The following C1QTNF3 variants were observed in gnomAD, a reference collection of about 807,000 sequenced individuals.
C1QTNF3 encodes the protein complement C1q tumor necrosis factor-related protein 3.
Under a neutral mutation model 32.6 loss-of-function variants are expected in C1QTNF3, and 26 were observed. The ratio of observed to expected loss-of-function variants is 0.80; its 90% CI spans 0.58 to 1.11. The LOEUF (loss-of-function observed/expected upper bound fraction) is 1.11, where lower values mean the gene tolerates loss of function less well. Among genes scored for constraint, C1QTNF3 ranks in the 50% least tolerant of loss-of-function variants. The pLI is 0.00. For missense variants in C1QTNF3, 362 were observed against 398.2 expected (o/e 0.91, Z 0.77); for synonymous variants, 155 against 146.0 (o/e 1.06, Z -0.44).
the C1QTNF3 span, among the ~76,000 whole-genome samples, chr5:34,221,786 T>C: frequency 7.2e-5 from 11 of 152,206 alleles, no homozygotes; most frequent in African/African-American, 2.6e-4. Flanking sequence ...AAAATGACTT[T>C]TCTAATCATC....
chr5:34,213,811 T>A, the C1QTNF3 span, among the ~76,000 whole-genome samples: 390 of 3,780 alleles, frequency 0.1, 34 homozygotes, highest in Middle Eastern at 0.5. Flanking sequence ...ATATATATAT[T>A]TTTTTTTTTT....
At chr5:34,173,609 T>G in the C1QTNF3 span, among the ~76,000 whole-genome samples, 2 of 110,086 alleles carry the variant, frequency 1.8e-5, no homozygotes, top group Non-Finnish European at 3.7e-5. Context: ...TTGAAGTGAA[T>G]GTATTATAAA....
chr5:34,168,729 G>A, the C1QTNF3 span: 3 of 152,096 alleles, frequency 2.0e-5, no homozygotes, highest in Non-Finnish European at 4.4e-5. Flanking sequence ...ATAGTCACTA[G>A]GGGAGATATA....
chr5:34,143,463 C>G, the C1QTNF3 span, among the ~76,000 whole-genome samples: 1 of 151,998 alleles, frequency 6.6e-6, no homozygotes, highest in East Asian at 1.9e-4. Context: ...GGCAACCATC[C>G]CCAAGGCTCA....
the C1QTNF3 span, among the ~76,000 whole-genome samples, chr5:34,213,454 A>T: frequency 6.6e-6 from 1 of 151,910 alleles, no homozygotes; most frequent in Admixed American, 6.6e-5. Flanking sequence ...GCACCATGAT[A>T]AATCTTATCA....
chr5:34,112,169 T>A, the C1QTNF3 span, among the ~76,000 whole-genome samples: 1 of 152,202 alleles, frequency 6.6e-6, no homozygotes, highest in Non-Finnish European at 1.5e-5. Context: ...TTGCAAGATA[T>A]CAAATTACTA....
chr5:34,143,991 G>A, the C1QTNF3 span, among the ~76,000 whole-genome samples: 175 of 152,016 alleles, frequency 1.2e-3, 1 homozygote, highest in Middle Eastern at 0.01. Flanking sequence ...AGTGGCAGGC[G>A]GGATAAAAAG....
the C1QTNF3 span, among the ~76,000 whole-genome samples, chr5:34,202,239 CCA>C: frequency 6.6e-6 from 1 of 151,774 alleles, no homozygotes; most frequent in East Asian, 1.9e-4. Context: ...CAACAGTCTA[CCA>C]CACACCTTCC....
chr5:34,176,956 G>A, the C1QTNF3 span, among the ~76,000 whole-genome samples: 1 of 152,190 alleles, frequency 6.6e-6, no homozygotes, highest in South Asian at 2.1e-4. Context: ...ACTTTGGGAG[G>A]TCGAGGCAGG....
chr5:34,023,143 C>A (rs1487331366), intron 5 of C1QTNF3, among the ~76,000 whole-genome samples: 1 of 152,204 alleles, frequency 6.6e-6, no homozygotes, highest in Non-Finnish European at 1.5e-5. Flanking sequence ...GCGTGAGCCA[C>A]CGCGCCTGGC....
chr5:34,067,431 A>T, the C1QTNF3 span, among the ~76,000 whole-genome samples: 1 of 152,232 alleles, frequency 6.6e-6, no homozygotes, highest in Admixed American at 6.5e-5. Context: ...AATTGGACTT[A>T]CAGTTCCACA....
At chr5:34,041,027 G>T (rs931924204) in intron 1 of C1QTNF3, among the ~76,000 whole-genome samples, 1 of 152,082 alleles carries the variant, frequency 6.6e-6, no homozygotes, top group Admixed American at 6.6e-5. Flanking sequence ...GGGAGCTCAG[G>T]CATATTTATC....
At chr5:34,239,555 G>A in the C1QTNF3 span, 10 of 151,418 alleles carry the variant, frequency 6.6e-5, no homozygotes, top group African/African-American at 1.2e-4. Context: ...AGAGCATTAC[G>A]TCATGAGAAA....
At chr5:34,066,446 T>C in the C1QTNF3 span, among the ~76,000 whole-genome samples, 1 of 152,294 alleles carries the variant, frequency 6.6e-6, no homozygotes, top group South Asian at 2.1e-4. Flanking sequence ...TTATAGATTA[T>C]AAAAGACTTA....
the C1QTNF3 span, among the ~76,000 whole-genome samples, chr5:34,221,430 T>C: frequency 6.6e-6 from 1 of 152,088 alleles, no homozygotes; most frequent in African/African-American, 2.4e-5. Flanking sequence ...ACAAACTATT[T>C]GACATTGAAA....
At chr5:34,090,821 AC>A in the C1QTNF3 span, among the ~76,000 whole-genome samples, 1 of 152,052 alleles carries the variant, frequency 6.6e-6, no homozygotes, top group Non-Finnish European at 1.5e-5. Context: ...CCCTCAATAG[AC>A]ACCAAATCTG....
At chr5:34,166,667 T>C in the C1QTNF3 span, 2 of 152,162 alleles carry the variant, frequency 1.3e-5, no homozygotes, top group Non-Finnish European at 2.9e-5. Flanking sequence ...AGTTTATTCA[T>C]CCAAAATAAA....
At chr5:34,105,612 CAG>C in the C1QTNF3 span, 2 of 152,016 alleles carry the variant, frequency 1.3e-5, no homozygotes, top group Non-Finnish European at 2.9e-5. Flanking sequence ...ATGGGAGAGA[CAG>C]ATGTAAATTG....
the C1QTNF3 span, among the ~76,000 whole-genome samples, chr5:34,183,520 G>A: frequency 6.7e-6 from 1 of 148,662 alleles, no homozygotes; most frequent in African/African-American, 2.4e-5. Flanking sequence ...TAGTAGAGAC[G>A]GAGTTTTGCC....
Sources: gnomAD v4.1 joint callset for allele counts (sites outside exome capture counted in the v4.1 genomes callset) on GRCh38, gnomAD v4.1.1 for gene constraint, MANE v1.5 for transcripts, NCBI Gene and HGNC (gene_info 2026-07-23, HGNC 2026-07-21) for gene names.